CDH13: variants seen among roughly 807,000 people sequenced by gnomAD.
CDH13 encodes the protein cadherin 13.
CDH13 carries 24 observed loss-of-function variants against 63.8 expected under a neutral mutation model. The observed-to-expected ratio is 0.38, with a 90% confidence interval of 0.27 to 0.53. CDH13 has a LOEUF of 0.53. CDH13 is among the 20% of genes least tolerant of loss of function. CDH13 has a pLI of 0.85. For missense variants in CDH13, 1,049 were observed against 903.1 expected, an observed-to-expected ratio of 1.16 and a Z score of -2.07; for synonymous variants, 503 against 355.3, an observed-to-expected ratio of 1.42 and a Z score of -4.67.
At chr16:83,206,601 A>G (rs1247097767) in intron 4 of CDH13, among the ~76,000 whole-genome samples, 5 of 152,256 alleles carry the variant, frequency 3.3e-5, no homozygotes, top group Admixed American at 6.5e-5. Flanking sequence ...GTGTGCCAGA[A>G]ACTGGGTTTG....
intron 8 of CDH13, among the ~76,000 whole-genome samples, chr16:83,667,267 A>G (rs185530198): frequency 6.9e-4 from 105 of 152,314 alleles, no homozygotes; most frequent in Non-Finnish European, 1.1e-3. Context: ...CCCACACACT[A>G]AAAAGGTATT....
intron 2 of CDH13, among the ~76,000 whole-genome samples, chr16:82,890,604 C>A (rs184442894): frequency 7.9e-5 from 12 of 151,768 alleles, no homozygotes; most frequent in South Asian, 2.1e-4. Flanking sequence ...CATTTGTTGT[C>A]CTACATAGTC....
intron 1 of CDH13, among the ~76,000 whole-genome samples, chr16:82,854,156 T>C (rs2039598710): frequency 6.6e-6 from 1 of 151,976 alleles, no homozygotes; most frequent in South Asian, 2.1e-4. Context: ...TCCTAGAACT[T>C]TGGGAGGCCG....
chr16:83,794,882 G>GA (rs147186305), intron 13 of CDH13, 141 bp from the exon 14 acceptor site: 10,579 of 705,712 alleles, frequency 0.015, 480 homozygotes, highest in African/African-American at 0.14. Flanking sequence ...GATCCTTAAG[G>GA]AAAAAAAAAA....
At chr16:83,469,366 A>T (rs987746339) in intron 6 of CDH13, among the ~76,000 whole-genome samples, 1 of 152,216 alleles carries the variant, frequency 6.6e-6, no homozygotes, top group Non-Finnish European at 1.5e-5. Context: ...CCTGAGGAAG[A>T]AAATATTTCA....
At chr16:83,646,713 A>ACG (rs1911833054) in intron 8 of CDH13, among the ~76,000 whole-genome samples, 1 of 17,738 alleles carries the variant, frequency 5.6e-5, no homozygotes, top group African/African-American at 1.3e-4. Context: ...AAAAAAAAAA[A>ACG]CACACACACA....
chr16:82,724,118 C>G (rs1403542341), intron 1 of CDH13, among the ~76,000 whole-genome samples: 1 of 152,132 alleles, frequency 6.6e-6, no homozygotes, highest in African/African-American at 2.4e-5. Flanking sequence ...TTGAAAGATC[C>G]TACAATTGTG....
intron 1 of CDH13, among the ~76,000 whole-genome samples, chr16:82,802,645 T>A (rs1320028669): frequency 6.6e-6 from 1 of 152,106 alleles, no homozygotes; most frequent in Non-Finnish European, 1.5e-5. Context: ...TCCAACCGCA[T>A]CTTATAAGAA....
intron 3 of CDH13, among the ~76,000 whole-genome samples, chr16:83,055,606 A>T (rs1284445705): frequency 6.6e-6 from 1 of 152,196 alleles, no homozygotes; most frequent in African/African-American, 2.4e-5. Context: ...TTATTAAATG[A>T]AAACTCTGTA....
intron 2 of CDH13, among the ~76,000 whole-genome samples, chr16:82,903,330 T>C (rs1352466863): frequency 6.6e-6 from 1 of 152,240 alleles, no homozygotes; most frequent in Non-Finnish European, 1.5e-5. Flanking sequence ...CACCATGCCA[T>C]CTACCTGCAC....
chr16:83,399,831 C>T (rs182434813), intron 6 of CDH13, among the ~76,000 whole-genome samples: 15 of 152,268 alleles, frequency 9.9e-5, no homozygotes, highest in Admixed American at 9.2e-4. Flanking sequence ...CAGTGCCTCA[C>T]ACAAGCAGGC....
chr16:82,685,328 C>T (rs1338161629), intron 1 of CDH13, among the ~76,000 whole-genome samples: 1 of 152,206 alleles, frequency 6.6e-6, no homozygotes, highest in Non-Finnish European at 1.5e-5. Context: ...GCCGTGTCCT[C>T]ACTTGGCAGA....
At chr16:83,216,406 AT>A (rs2039515679) in intron 4 of CDH13, among the ~76,000 whole-genome samples, 1 of 60,980 alleles carries the variant, frequency 1.6e-5, no homozygotes, top group Non-Finnish European at 3.0e-5. Flanking sequence ...AAATATATAT[AT>A]ATATATATAT....
intron 7 of CDH13, among the ~76,000 whole-genome samples, chr16:83,501,768 C>T (rs897519747): frequency 3.3e-5 from 5 of 152,128 alleles, no homozygotes; most frequent in Non-Finnish European, 7.3e-5. Flanking sequence ...AAGAAAAGCA[C>T]GGGACATATT....
chr16:82,772,209 C>A (rs184207100), intron 1 of CDH13, among the ~76,000 whole-genome samples: 1 of 152,050 alleles, frequency 6.6e-6, no homozygotes, highest in Admixed American at 6.5e-5. Flanking sequence ...TGGAAATTGG[C>A]CAACATTACA....
At chr16:83,269,305 C>T (rs1364920417) in intron 5 of CDH13, among the ~76,000 whole-genome samples, 2 of 152,192 alleles carry the variant, frequency 1.3e-5, no homozygotes, top group African/African-American at 2.4e-5. Flanking sequence ...CAGATCCTAT[C>T]ACCACAGCTT....
intron 5 of CDH13, among the ~76,000 whole-genome samples, chr16:83,273,867 C>G (rs1233103188): frequency 6.6e-6 from 1 of 152,048 alleles, no homozygotes; most frequent in Non-Finnish European, 1.5e-5. Context: ...AAAAGGCCAC[C>G]CTTGATCAAA....
chr16:83,673,860 C>T (rs1914727222), intron 9 of CDH13, among the ~76,000 whole-genome samples: 1 of 152,212 alleles, frequency 6.6e-6, no homozygotes, highest in Non-Finnish European at 1.5e-5. Flanking sequence ...CTTGTCCGCC[C>T]TCCCTGCAAA....
intron 4 of CDH13, among the ~76,000 whole-genome samples, chr16:83,135,803 C>G (rs997295660): frequency 2.6e-5 from 4 of 152,206 alleles, no homozygotes; most frequent in African/African-American, 9.7e-5. Flanking sequence ...GATAAAGAAA[C>G]TGTGACATAT....
Sources: gnomAD v4.1 joint callset for allele counts (sites outside exome capture counted in the v4.1 genomes callset) on GRCh38, gnomAD v4.1.1 for gene constraint, MANE v1.5 for transcripts, NCBI Gene and HGNC (gene_info 2026-07-23, HGNC 2026-07-21) for gene names.